FCHSD2: variants seen among roughly 807,000 people sequenced by gnomAD.
The protein encoded by FCHSD2 is FCH and double SH3 domains 2, also known as F-BAR and double SH3 domains protein 2.
A neutral mutation model predicts 108.1 loss-of-function variants in FCHSD2; 38 were observed. The observed-to-expected ratio is 0.35, with a 90% CI of 0.27 to 0.46. FCHSD2 has a LOEUF of 0.46. Among genes scored for constraint, FCHSD2 ranks in the 20% least tolerant of loss-of-function variants. FCHSD2 has a pLI of 1.00. For missense variants in FCHSD2, 751 were observed against 897.8 expected, an observed-to-expected ratio of 0.84 and a Z score of 2.09; for synonymous variants, 279 against 314.7, an observed-to-expected ratio of 0.89 and a Z score of 1.20.
At chr11:72,934,760 T>G (rs1471140058) in intron 8 of FCHSD2, among the ~76,000 whole-genome samples, 1 of 152,176 alleles carries the variant, frequency 6.6e-6, no homozygotes, top group Non-Finnish European at 1.5e-5. Context: ...GTCTCCAATA[T>G]GCAAAAACTT....
intron 8 of FCHSD2, among the ~76,000 whole-genome samples, chr11:72,926,024 G>A (rs537375965): frequency 7.2e-5 from 11 of 152,322 alleles, no homozygotes; most frequent in African/African-American, 2.6e-4. Context: ...TGCTGGCTTG[G>A]GGATATCTGT....
intron 3 of FCHSD2, among the ~76,000 whole-genome samples, chr11:73,034,464 C>T (rs1858439520): frequency 1.3e-5 from 2 of 152,172 alleles, no homozygotes; most frequent in Non-Finnish European, 2.9e-5. Context: ...GATTACACAC[C>T]AGAAACTGTT....
rs894420856 is a variant in FCHSD2, at chr11:72,983,023, G to A, written c.705+1065C>T. On this transcript the variant is annotated intron_variant, in intron 8 of 19. Transcript: ENST00000409418. ...AAAATAAAAGAAAGGGGCCGGGCGC[G>A]GTGGCTCATGCCTGTAATCCCAGCA... Among the ~76,000 whole-genome samples the A allele has an allele frequency of 8.2e-4, 125 of 152,164 alleles. 1 individual carries two copies. The highest frequency in any genetic ancestry group is 3.0e-3 in the African/African-American group (123 of 41,532).
intron 8 of FCHSD2, among the ~76,000 whole-genome samples, chr11:72,923,592 C>T (rs1482704265): frequency 6.6e-6 from 1 of 151,958 alleles, no homozygotes; most frequent in Non-Finnish European, 1.5e-5. Context: ...GCTTATTTGG[C>T]CATTTGTATA....
At chr11:72,903,317 T>C (rs4944018) in intron 9 of FCHSD2, among the ~76,000 whole-genome samples, 144,813 of 152,146 alleles carry the variant, frequency 0.95, 69,211 homozygotes, top group East Asian at 1. Context: ...CCCGGGTTCA[T>C]GCCATTCTCC....
chr11:73,030,874 A>G (rs549925932), intron 3 of FCHSD2, among the ~76,000 whole-genome samples: 1 of 152,240 alleles, frequency 6.6e-6, no homozygotes, highest in Admixed American at 6.5e-5. Flanking sequence ...TGAATACAAT[A>G]TTATTAACTA....
At chr11:72,870,025 ACTG>A (rs1239451736) in intron 12 of FCHSD2, among the ~76,000 whole-genome samples, 1 of 151,608 alleles carries the variant, frequency 6.6e-6, no homozygotes. Flanking sequence ...CTCCCACCCC[ACTG>A]TCCCACTTGC....
intron 8 of FCHSD2, among the ~76,000 whole-genome samples, chr11:72,961,404 T>A (rs1856816418): frequency 7.1e-6 from 1 of 140,214 alleles, no homozygotes; most frequent in Non-Finnish European, 1.6e-5. Flanking sequence ...TTAAGAAGTT[T>A]TTTGTTGTTG....
intron 18 of FCHSD2, among the ~76,000 whole-genome samples, 183 bp downstream of exon 18, chr11:72,841,271 C>G (rs1325776530): frequency 7.5e-6 from 1 of 132,608 alleles, no homozygotes; most frequent in Non-Finnish European, 1.5e-5. Context: ...GAATTGGTTG[C>G]TATGAGCCGT....
At chr11:72,926,815 A>T (rs1237439830) in intron 8 of FCHSD2, among the ~76,000 whole-genome samples, 1 of 152,178 alleles carries the variant, frequency 6.6e-6, no homozygotes, top group Non-Finnish European at 1.5e-5. Context: ...AGAAATACTG[A>T]ACTTTTGTTG....
At chr11:73,048,949 T>C (rs976307172) in intron 3 of FCHSD2, among the ~76,000 whole-genome samples, 1 of 151,994 alleles carries the variant, frequency 6.6e-6, no homozygotes, top group Non-Finnish European at 1.5e-5. Context: ...AATTCTCACA[T>C]GACAAAGAGC....
intron 2 of FCHSD2, among the ~76,000 whole-genome samples, chr11:73,093,168 G>A (rs938670685): frequency 1.3e-5 from 2 of 152,218 alleles, no homozygotes; most frequent in Non-Finnish European, 2.9e-5. Flanking sequence ...CATCATTGCA[G>A]AAGAAGTGAA....
At chr11:73,016,061 G>A (rs1857964889) in intron 3 of FCHSD2, among the ~76,000 whole-genome samples, 176 bp from the exon 4 acceptor site, 1 of 152,160 alleles carries the variant, frequency 6.6e-6, no homozygotes, top group Non-Finnish European at 1.5e-5. Context: ...CTGGCACTTT[G>A]GGAGGCCAAG....
At position 72,893,250 on chromosome 11, in the gene FCHSD2, T is replaced by C. The variant is rs374051157; in HGVS notation, c.925-3305A>G. ...CTCCTGTCCTCAAGTGATCCACCTGTTCTTGGCCTCCCAAAGTGCTGGGAT... is the reference window on the plus strand; with the variant it reads ...CTCCTGTCCTCAAGTGATCCACCTGCTCTTGGCCTCCCAAAGTGCTGGGAT... On this transcript the variant is annotated intron_variant, in intron 10 of 19. Coordinates refer to ENST00000409418, the MANE Select transcript of FCHSD2 (RefSeq NM_014824.3). 1.0e-3 allele frequency among the ~76,000 whole-genome samples: 153 copies of C among 151,860 alleles called. 2 individuals are homozygous for C. In the South Asian group the frequency reaches 0.014, roughly 14 times the overall value.
chr11:72,921,794 G>GGGGGT, intron 9 of FCHSD2, 34 bp downstream of exon 9: 1 of 1,580,968 alleles, frequency 6.3e-7, no homozygotes. Flanking sequence ...TTCTAAGTTG[G>GGGGGT]ATAACACTAC....
chr11:73,052,202 CA>C (rs1858917707), intron 3 of FCHSD2, among the ~76,000 whole-genome samples: 1 of 152,118 alleles, frequency 6.6e-6, no homozygotes, highest in Non-Finnish European at 1.5e-5. Flanking sequence ...CACTGCCAAA[CA>C]TAACGATTTC....
In FCHSD2 at chr11:73,142,041, G is replaced by T; in HGVS notation, c.-164C>A. 1.6e-6 allele frequency: 1 copy of T among 624,176 alleles called. No individual in the cohort carries two copies. The highest frequency in any genetic ancestry group is 2.7e-6 in the Non-Finnish European group (1 of 367,552). 38.7% of individuals were successfully genotyped at this position (624,176 alleles called of 1,614,324 possible). ...GAGGGAGCAGGCCAGCGGGCGGCAG[G>T]CGGACCCCAGCCAGAGAGCGAGTGT... On this transcript the variant is annotated 5_prime_UTR_variant, in exon 1 of 20. Coordinates refer to ENST00000409418, the MANE Select transcript of FCHSD2 (RefSeq NM_014824.3).
At chr11:72,978,289 C>T (rs1377354498) in intron 8 of FCHSD2, among the ~76,000 whole-genome samples, 1 of 151,220 alleles carries the variant, frequency 6.6e-6, no homozygotes, top group Non-Finnish European at 1.5e-5. Flanking sequence ...TGCACATGTA[C>T]CCCAGAACTT....
At chr11:73,023,545 G>A (rs1162089396) in intron 3 of FCHSD2, among the ~76,000 whole-genome samples, 2 of 152,210 alleles carry the variant, frequency 1.3e-5, no homozygotes, top group African/African-American at 2.4e-5. Context: ...AAATGCTAGT[G>A]AGGACGCAGA....
Sources: gnomAD v4.1 joint callset for allele counts (sites outside exome capture counted in the v4.1 genomes callset) on GRCh38, gnomAD v4.1.1 for gene constraint, MANE v1.5 for transcripts, NCBI Gene and HGNC (gene_info 2026-07-23, HGNC 2026-07-21) for gene names.